Variants in SNTG2 observed in about 807,000 individuals in gnomAD.
SNTG2 encodes the protein syntrophin gamma 2.
SNTG2 carries 74 observed loss-of-function variants against 70.9 expected under a neutral mutation model. The observed-to-expected ratio is 1.04, with a 90% CI of 0.86 to 1.27. The LOEUF is 1.27. SNTG2 is among the 50% of genes most tolerant of loss of function. The pLI is 0.00. For synonymous variants in SNTG2, 278 were observed against 273.8 expected, an observed-to-expected ratio of 1.02 and a Z score of -0.15; for missense variants, 717 against 690.7, an observed-to-expected ratio of 1.04 and a Z score of -0.43.
In SNTG2 at chr2:966,219, G is replaced by C. The variant is rs147558520; in HGVS notation, c.72+15151G>C. ...ACTTCTGGGTCATCAAAACTGGTTA[G>C]TTTTGATATTTTTAAAATGTTTGTT... is the stretch of plus-strand genomic sequence containing the variant. On this transcript the variant is annotated intron_variant, in intron 1 of 16. Coordinates refer to ENST00000308624, the MANE Select transcript of SNTG2 (RefSeq NM_018968.4). Among the ~76,000 whole-genome samples, 39 of 152,246 alleles carry C rather than the reference G, an allele frequency of 2.6e-4. No individual in the cohort carries two copies. In the East Asian group the frequency reaches 7.3e-3, roughly 29 times the overall value.
At position 951,030 on chromosome 2, in the gene SNTG2, TC is replaced by T. The variant is rs1486765533; in HGVS notation, c.37del (p.Arg13AlafsTer33). On this transcript the variant is annotated frameshift_variant, in exon 1 of 17. Coordinates refer to ENST00000308624, the MANE Select transcript of SNTG2 (RefSeq NM_018968.4). LOFTEE classifies it high-confidence loss of function. ...GTEGPPPPAASRGRQGCLLVP... is the reference protein window; with the variant it reads ...GTEGPPPPAAXRGRQGCLLVP... The stretch of plus-strand genomic sequence containing the variant: ...CGAGGGACCCCCGCCCCCGGCCGCC[TC>T]CCGCGGACGCCAGGGCTGCCTGCTG... The T allele has an allele frequency of 2.4e-6, 3 of 1,262,872 alleles. No homozygotes were observed. Among genetic ancestry groups the T allele is most frequent in the Admixed American group, 3.9e-5 (1 of 25,458 alleles). The allele number at this position is 1,262,872 out of a possible 1,614,324, so 78.2% of individuals were successfully genotyped here.
chr2:1,296,592 C>T (rs141750676), intron 14 of SNTG2, among the ~76,000 whole-genome samples: 15 of 152,348 alleles, frequency 9.8e-5, no homozygotes, highest in African/African-American at 2.6e-4. Flanking sequence ...CCACACTGGC[C>T]GGGCCTTTCC....
At chr2:985,609 G>T (rs1661279938) in intron 1 of SNTG2, among the ~76,000 whole-genome samples, 2 of 152,136 alleles carry the variant, frequency 1.3e-5, no homozygotes, top group African/African-American at 4.8e-5. Context: ...TTTTCAGAGA[G>T]AAACAGATGC....
At chr2:953,131 G>A (rs756356454) in intron 1 of SNTG2, among the ~76,000 whole-genome samples, 2 of 152,072 alleles carry the variant, frequency 1.3e-5, no homozygotes, top group African/African-American at 2.4e-5. Flanking sequence ...TCTCCTGTTC[G>A]GTAACAGACC....
intron 1 of SNTG2, among the ~76,000 whole-genome samples, chr2:967,618 T>C (rs1316926832): frequency 2.6e-5 from 4 of 152,232 alleles, no homozygotes; most frequent in African/African-American, 9.6e-5. Context: ...ATTTTGTCAG[T>C]GGGCATTTGC....
intron 9 of SNTG2, among the ~76,000 whole-genome samples, chr2:1,227,085 C>T (rs893517859): frequency 1.3e-5 from 2 of 152,242 alleles, no homozygotes; most frequent in Admixed American, 6.5e-5. Context: ...ACCACCCCAA[C>T]TGTGTATTTT....
intron 1 of SNTG2, among the ~76,000 whole-genome samples, chr2:958,731 T>C (rs553588973): frequency 6.6e-6 from 1 of 152,256 alleles, no homozygotes; most frequent in Non-Finnish European, 1.5e-5. Flanking sequence ...CAGAGAGATA[T>C]GAAAAAAATT....
intron 16 of SNTG2, among the ~76,000 whole-genome samples, chr2:1,317,275 G>T (rs77510566): frequency 2.5e-3 from 89 of 36,034 alleles, no homozygotes; most frequent in East Asian, 6.0e-3. Context: ...TAGCATCAGG[G>T]CAGCATTGGA....
At chr2:1,008,627 C>A (rs535383817) in intron 1 of SNTG2, among the ~76,000 whole-genome samples, 2 of 152,004 alleles carry the variant, frequency 1.3e-5, no homozygotes, top group African/African-American at 4.8e-5. Context: ...ATTACAGAAA[C>A]CTGTAATGTC....
Position 1,100,603 on chromosome 2 carries a change from C to T in SNTG2, c.325+2193C>T, listed in dbSNP as rs764031762. On this transcript the variant is annotated intron_variant, in intron 4 of 16. Coordinates refer to ENST00000308624, the MANE Select transcript of SNTG2 (RefSeq NM_018968.4). ...CATATAAAGTGGGATTCCACACGGG[C>T]GCCGTGGGTCCACCGTTGCTGTGTC... 5.7e-4 allele frequency among the ~76,000 whole-genome samples: 87 copies of T among 152,250 alleles called. 2 individuals carry two copies. Among genetic ancestry groups the T allele is most frequent in the South Asian group, 2.7e-3 (13 of 4,816 alleles).
rs148037056 is a variant in SNTG2, at chr2:1,319,347, A to T, written c.1488+2972A>T. Reference sequence around the variant, plus strand: ...CTTGTAGTTTAAACAATTTGTGGAAATTTTTTATGAAAAAAAAATGTAAAA... The same window carrying T: ...CTTGTAGTTTAAACAATTTGTGGAATTTTTTTATGAAAAAAAAATGTAAAA... On this transcript the variant is annotated intron_variant, in intron 16 of 16. Coordinates refer to ENST00000308624, the MANE Select transcript of SNTG2 (RefSeq NM_018968.4). Among the ~76,000 whole-genome samples, 59 of 152,322 alleles carry T rather than the reference A, an allele frequency of 3.9e-4. 2 individuals are homozygous for T. The East Asian group carries it at 0.011, about 29-fold the overall frequency.
At chr2:983,811 C>A (rs1193293220) in intron 1 of SNTG2, among the ~76,000 whole-genome samples, 1 of 152,190 alleles carries the variant, frequency 6.6e-6, no homozygotes, top group Non-Finnish European at 1.5e-5. Context: ...GGGCACCCTC[C>A]ACCATGGAGC....
chr2:1,216,842 T>G (rs1292104369), intron 9 of SNTG2, among the ~76,000 whole-genome samples: 1 of 152,194 alleles, frequency 6.6e-6, no homozygotes, highest in Non-Finnish European at 1.5e-5. Flanking sequence ...ATGGGGGTAG[T>G]TCCCCCATGT....
At chr2:1,001,412 C>T (rs1459354806) in intron 1 of SNTG2, among the ~76,000 whole-genome samples, 2 of 151,870 alleles carry the variant, frequency 1.3e-5, no homozygotes, top group Non-Finnish European at 2.9e-5. Flanking sequence ...GAAATGAATT[C>T]AATAAAGTTT....
At chr2:1,205,349 G>A (rs77074838) in intron 8 of SNTG2, among the ~76,000 whole-genome samples, 267 of 152,226 alleles carry the variant, frequency 1.8e-3, no homozygotes, top group Non-Finnish European at 3.2e-3. Context: ...TTTTCAAAAT[G>A]CACCCATCTG....
intron 1 of SNTG2, among the ~76,000 whole-genome samples, chr2:1,041,412 A>G (rs1056854325): frequency 1.3e-5 from 2 of 152,180 alleles, no homozygotes; most frequent in African/African-American, 2.4e-5. Flanking sequence ...TCATGTGTAT[A>G]ATCAATTGCC....
rs767039411 is a variant in SNTG2 at position 1,259,366 on chromosome 2, G to A, written c.1006-4G>A. On this transcript the variant is annotated splice_region_variant and splice_polypyrimidine_tract_variant and intron_variant, in intron 12 of 16. Transcript: ENST00000308624. ...TTTCATGGAACGTTCTCTGTTTCTT[G>A]CAGGTGAGCACATTCGATTGGGTGC... 1.9e-6 allele frequency: 3 copies of A among 1,613,676 alleles called. No individual in the cohort carries two copies. Among genetic ancestry groups the A allele is most frequent in the Middle Eastern group, 1.6e-4 (1 of 6,062 alleles).
chr2:1,125,775 GT>G (rs1270295508), intron 4 of SNTG2, among the ~76,000 whole-genome samples: 1 of 152,110 alleles, frequency 6.6e-6, no homozygotes. Flanking sequence ...AGATCAGTTA[GT>G]AAATTTCAGA....
intron 8 of SNTG2, among the ~76,000 whole-genome samples, chr2:1,208,175 A>G (rs1341874278): frequency 6.6e-6 from 1 of 152,186 alleles, no homozygotes; most frequent in African/African-American, 2.4e-5. Flanking sequence ...AGCAAATTAA[A>G]ACACCAGAAA....
Sources: allele counts gnomAD v4.1 joint callset (sites outside exome capture counted in the v4.1 genomes callset), GRCh38; gene constraint gnomAD v4.1.1; transcripts MANE v1.5; gene names NCBI Gene and HGNC (gene_info 2026-07-23, HGNC 2026-07-21).